Variants in SEC31B observed in about 807,000 individuals in gnomAD.
SEC31B encodes SEC31 homolog B, COPII component.
A neutral mutation model predicts 135.0 loss-of-function variants in SEC31B; 113 were observed. The ratio of observed to expected loss-of-function variants is 0.84; its 90% confidence interval spans 0.72 to 0.98. The LOEUF is 0.98. Ranked by LOEUF, SEC31B falls within the 50% of genes least tolerant of loss-of-function variation. The probability of loss-of-function intolerance (pLI) is 0.00; values close to 1 mark genes in which losing one functional copy is unlikely to be tolerated. For synonymous variants in SEC31B, 508 were observed against 549.4 expected (o/e 0.92, Z 1.05); for missense variants, 1,296 against 1,421.1 (o/e 0.91, Z 1.42).
chr10:100,495,993 A>G (rs546060543), intron 18 of SEC31B, among the ~76,000 whole-genome samples: 1 of 152,226 alleles, frequency 6.6e-6, no homozygotes, highest in African/African-American at 2.4e-5. Context: ...AGCTGTTTTA[A>G]CCATTGAGAA....
Position 100,502,302 on chromosome 10 carries a change from G to T in SEC31B, c.1362C>A (p.Ser454Arg). The change falls in exon 11 of 26, where the codon AGC (serine) becomes AGA (arginine). Residue 454 changes from serine (S) to arginine (R), a missense_variant. Physicochemically the swap from Ser to Arg is moderately radical, Grantham distance 110. Transcript: ENST00000370345. ...TTTCACTTTGCAGTAAAGCTTGCTG[G>T]CTCTTGTTCTGACAGTAATTCAGTA... is the stretch of plus-strand genomic sequence containing the variant. ...GNLLNYCQNK[S>R]QQALLQSEKM... 1 of 1,614,154 alleles carries T rather than the reference G, an allele frequency of 6.2e-7. No individual in the cohort carries two copies.
intron 9 of SEC31B, 179 bp from the exon 10 acceptor site, chr10:100,505,674 G>C (rs1851616169): frequency 7.1e-7 from 1 of 1,416,954 alleles, no homozygotes; most frequent in Non-Finnish European, 9.2e-7. Flanking sequence ...TCCCATGCAA[G>C]TAGGCTCTTG....
intron 17 of SEC31B, among the ~76,000 whole-genome samples, chr10:100,496,661 G>T (rs1409786257): frequency 6.6e-6 from 1 of 152,224 alleles, no homozygotes. Context: ...CTGGGTCTTA[G>T]ATTTTTGTAC....
intron 19 of SEC31B, among the ~76,000 whole-genome samples, chr10:100,493,659 T>C (rs1851347657): frequency 6.6e-6 from 1 of 152,146 alleles, no homozygotes; most frequent in Non-Finnish European, 1.5e-5. Flanking sequence ...CTTGTGGTGA[T>C]GGTAAAATTG....
rs1851440078 is a variant in SEC31B, at chr10:100,497,755, C to T, written c.1902G>A (p.Val634=). 1 of 1,614,182 alleles carries T rather than the reference C, an allele frequency of 6.2e-7. No individual in the cohort carries two copies. The highest frequency in any genetic ancestry group is 8.5e-7 in the Non-Finnish European group (1 of 1,180,032). The part of the protein sequence containing the change: ...ACVVQKNWKD[V]VCTCSLKNWR... Reference sequence around the variant, plus strand: ...AGTTCTTCAGGCTACAGGTACACACCACATCCTTCCAATTCTTTTGCACAA... The same window carrying T: ...AGTTCTTCAGGCTACAGGTACACACTACATCCTTCCAATTCTTTTGCACAA... The change falls in exon 16 of 26, where the codon GTG becomes GTA. Residue 634 remains valine (V), a synonymous_variant. Coordinates refer to ENST00000370345, the MANE Select transcript of SEC31B (RefSeq NM_015490.4).
chr10:100,502,131 A>C (rs1851535366), intron 11 of SEC31B, 123 bp downstream of exon 11: 4 of 735,114 alleles, frequency 5.4e-6, no homozygotes, highest in Non-Finnish European at 9.2e-6. Flanking sequence ...GGAAAAACTA[A>C]TGGGAGTTAA....
At chr10:100,499,389 AAC>A in intron 12 of SEC31B, 131 bp from the exon 13 acceptor site, 1 of 1,107,158 alleles carries the variant, frequency 9.0e-7, no homozygotes, top group South Asian at 1.4e-5. Flanking sequence ...CTGAGAAAAA[AAC>A]AAACTCCAGG....
chr10:100,518,400 A>C (rs1851887415), intron 1 of SEC31B, among the ~76,000 whole-genome samples: 1 of 152,170 alleles, frequency 6.6e-6, no homozygotes, highest in African/African-American at 2.4e-5. Flanking sequence ...TGAACTACCC[A>C]ATCACAAAAA....
chr10:100,499,334 A>C, intron 12 of SEC31B, 76 bp from the exon 13 acceptor site: 3 of 1,233,348 alleles, frequency 2.4e-6, no homozygotes, highest in Non-Finnish European at 3.5e-6. Context: ...TCCTATCTCC[A>C]TACCCCACCA....
At position 100,506,574 on chromosome 10, in the gene SEC31B, A is replaced by G. The variant is rs1469627490; in HGVS notation, c.783-154T>C. The G allele has an allele frequency of 4.3e-6, 3 of 693,140 alleles. No homozygotes were observed. The African/African-American group carries it at 5.4e-5, about 12-fold the overall frequency. 42.9% of individuals were successfully genotyped at this position (693,140 alleles called of 1,614,324 possible). A position where few individuals can be genotyped will look rare whatever the true frequency, so the allele number is the denominator to read the frequency against. On this transcript the variant is annotated intron_variant, in intron 7 of 25. Transcript: ENST00000370345. Reference sequence around the variant, plus strand: ...TATTATCTTACAAATGAATAAAATGAGGTTTTGAAAAATTAAGTAACTTTC... The same window carrying G: ...TATTATCTTACAAATGAATAAAATGGGGTTTTGAAAAATTAAGTAACTTTC...
intron 1 of SEC31B, among the ~76,000 whole-genome samples, chr10:100,517,562 G>A (rs1851872891): frequency 6.6e-6 from 1 of 152,032 alleles, no homozygotes; most frequent in African/African-American, 2.4e-5. Context: ...TAGTTTTACC[G>A]TGTTGGCCAG....
chr10:100,490,892 A>G lies in SEC31B; in HGVS notation c.2473-9T>C, dbSNP rs769582719. 3.5e-6 allele frequency: 5 copies of G among 1,415,390 alleles called. No homozygotes were observed. The highest frequency in any genetic ancestry group is 3.7e-6 in the Non-Finnish European group (4 of 1,070,164). The allele number at this position is 1,415,390 out of a possible 1,614,324, so 87.7% of individuals were successfully genotyped here. On this transcript the variant is annotated splice_polypyrimidine_tract_variant and intron_variant, in intron 19 of 25. Coordinates refer to ENST00000370345, the MANE Select transcript of SEC31B (RefSeq NM_015490.4). ...GGAGATGGAGTTGGGACCTATGAAG[A>G]GAAAAAAACATCAGCTCTTGGAAAG...
intron 11 of SEC31B, among the ~76,000 whole-genome samples, chr10:100,500,720 C>T (rs1300561801): frequency 1.3e-5 from 2 of 152,304 alleles, no homozygotes; most frequent in South Asian, 2.1e-4. Flanking sequence ...AAGGAGCAAA[C>T]CTTTCTGAAG....
rs773273487 is a variant in SEC31B, at chr10:100,516,166, T to C, written c.133A>G (p.Ile45Val). 1.2e-6 allele frequency: 2 copies of C among 1,613,952 alleles called. No individual in the cohort carries two copies. Among genetic ancestry groups the C allele is most frequent in the South Asian group, 1.1e-5 (1 of 91,036 alleles). Reference sequence around the variant, plus strand: ...GGGTCCCTGAAATCAACCTCAAATATTTCCAATGTGCCATTTGTGCTGAAG... The same window carrying C: ...GGGTCCCTGAAATCAACCTCAAATACTTCCAATGTGCCATTTGTGCTGAAG... ...SSFSTNGTLE[I>V]FEVDFRDPSL... is the part of the protein sequence containing the mutation. Residue 45 changes from isoleucine (I) to valine (V), a missense_variant, in exon 3 of 26, where the codon ATA becomes GTA. Transcript: ENST00000370345.
intron 21 of SEC31B, 108 bp from the exon 22 acceptor site, chr10:100,489,869 T>C (rs1020565778): frequency 1.3e-6 from 2 of 1,568,706 alleles, no homozygotes; most frequent in African/African-American, 2.7e-5. Flanking sequence ...CATACCTCCC[T>C]CTGCAGACCA....
rs142391082 is a variant in SEC31B at position 100,509,411 on chromosome 10, C to G, written c.304G>C (p.Val102Leu). 2.1e-4 allele frequency: 339 copies of G among 1,614,056 alleles called. No individual in the cohort carries two copies. The highest frequency in any genetic ancestry group is 2.7e-4 in the Non-Finnish European group (322 of 1,180,034). Residue 102 changes from valine to leucine, a missense_variant, in exon 4 of 26, where the codon GTG becomes CTG. Coordinates refer to ENST00000370345, the MANE Select transcript of SEC31B (RefSeq NM_015490.4). ...GDNGMLILYN[V>L]THILSSGKEP... ...TTCCCCGAAGACAGGATGTGGGTCACATTGTATAGAATAAGCATGCCATTG... is the reference window on the plus strand; with the variant it reads ...TTCCCCGAAGACAGGATGTGGGTCAGATTGTATAGAATAAGCATGCCATTG...
At chr10:100,488,499 G>A (rs1176754030) in intron 24 of SEC31B, among the ~76,000 whole-genome samples, 1 of 150,506 alleles carries the variant, frequency 6.6e-6, no homozygotes, top group African/African-American at 2.5e-5. Context: ...ATTAGAGCTA[G>A]AATGGCTTCA....
intron 3 of SEC31B, 151 bp downstream of exon 3, chr10:100,515,945 T>C (rs914129615): frequency 1.1e-5 from 10 of 942,472 alleles, no homozygotes; most frequent in Non-Finnish European, 1.4e-5. Flanking sequence ...TAAATCCTTT[T>C]GCAAAATAAG....
intron 11 of SEC31B, chr10:100,500,120 T>A (rs1252436618): frequency 1.3e-5 from 6 of 456,600 alleles, no homozygotes; most frequent in Non-Finnish European, 2.6e-5. Context: ...CTGCCTGATG[T>A]ATAGTCTCAT....
Sources: allele counts gnomAD v4.1 joint callset (sites outside exome capture counted in the v4.1 genomes callset), GRCh38; gene constraint gnomAD v4.1.1; transcripts MANE v1.5; gene names NCBI Gene and HGNC (gene_info 2026-07-23, HGNC 2026-07-21).